The following TMEM131L variants were observed in gnomAD, a reference collection of about 807,000 sequenced individuals.
TMEM131L encodes the protein transmembrane 131 like.
In TMEM131L, 54 loss-of-function variants were observed where a neutral mutation model predicts 192.2. That is an observed-to-expected ratio of 0.28 (90% CI 0.23 to 0.35). The LOEUF (loss-of-function observed/expected upper bound fraction) is 0.35, where lower values mean the gene tolerates loss of function less well. TMEM131L is among the 10% of genes least tolerant of loss of function. The probability of loss-of-function intolerance (pLI) is 1.00; values close to 1 mark genes in which losing one functional copy is unlikely to be tolerated. For synonymous variants in TMEM131L, 701 were observed against 704.9 expected (o/e 0.99, Z 0.09); for missense variants, 1,888 against 1,972.9 (o/e 0.96, Z 0.82).
chr4:153,618,714 T>C (rs997590254), intron 26 of TMEM131L, among the ~76,000 whole-genome samples: 1 of 152,142 alleles, frequency 6.6e-6, no homozygotes, highest in Non-Finnish European at 1.5e-5. Context: ...GATATACTCC[T>C]AATTGCAGCT....
intron 7 of TMEM131L, among the ~76,000 whole-genome samples, chr4:153,578,689 T>C (rs999553539): frequency 6.6e-6 from 1 of 151,944 alleles, no homozygotes; most frequent in African/African-American, 2.4e-5. Flanking sequence ...CCCAGCTAAT[T>C]TTTTGTATTT....
At chr4:153,579,665 G>T (rs1012821669) in intron 7 of TMEM131L, among the ~76,000 whole-genome samples, 2 of 152,074 alleles carry the variant, frequency 1.3e-5, no homozygotes, top group African/African-American at 4.8e-5. Context: ...AGTAGAGACG[G>T]GGTTTTGCCA....
intron 3 of TMEM131L, among the ~76,000 whole-genome samples, chr4:153,491,856 G>A (rs1732808621): frequency 6.6e-6 from 1 of 152,072 alleles, no homozygotes; most frequent in Admixed American, 6.5e-5. Context: ...ACAGGCACTT[G>A]CCACCGTGTC....
chr4:153,615,283 A>G (rs1732898623), intron 26 of TMEM131L, among the ~76,000 whole-genome samples: 1 of 152,240 alleles, frequency 6.6e-6, no homozygotes. Context: ...AGTGATAGGT[A>G]TAATAATGAT....
intron 3 of TMEM131L, among the ~76,000 whole-genome samples, chr4:153,542,440 G>T (rs1736857918): frequency 6.6e-6 from 1 of 152,192 alleles, no homozygotes; most frequent in South Asian, 2.1e-4. Context: ...TCAGGTGGAG[G>T]CAGTGTAGTG....
At chr4:153,521,835 A>G (rs1735135956) in intron 3 of TMEM131L, among the ~76,000 whole-genome samples, 1 of 146,008 alleles carries the variant, frequency 6.8e-6, no homozygotes, top group African/African-American at 2.5e-5. Flanking sequence ...TTCAAGATTT[A>G]TCCATGTTGT....
At chr4:153,594,350 C>G (rs1731281219) in intron 19 of TMEM131L, among the ~76,000 whole-genome samples, 1 of 152,174 alleles carries the variant, frequency 6.6e-6, no homozygotes, top group Non-Finnish European at 1.5e-5. Flanking sequence ...AGCCTGTGGG[C>G]AGTCATGAGG....
At chr4:153,551,473 T>C (rs982592815) in intron 4 of TMEM131L, among the ~76,000 whole-genome samples, 4 of 152,096 alleles carry the variant, frequency 2.6e-5, no homozygotes, top group Admixed American at 2.6e-4. Context: ...TTCTCCTGCC[T>C]CAGCCTCCTG....
intron 3 of TMEM131L, among the ~76,000 whole-genome samples, chr4:153,487,717 TGTGAGA>T (rs980906447): frequency 3.4e-5 from 5 of 145,384 alleles, no homozygotes; most frequent in African/African-American, 1.3e-4. Flanking sequence ...TGTGTGTGTG[TGTGAGA>T]GAGAGAGAGA....
intron 3 of TMEM131L, among the ~76,000 whole-genome samples, chr4:153,536,013 T>C (rs770670932): frequency 2.0e-5 from 3 of 152,204 alleles, no homozygotes; most frequent in Non-Finnish European, 2.9e-5. Context: ...GAGAGAAGGA[T>C]TGAATGGACA....
At chr4:153,497,953 T>C (rs1468393680) in intron 3 of TMEM131L, among the ~76,000 whole-genome samples, 1 of 151,600 alleles carries the variant, frequency 6.6e-6, no homozygotes, top group Non-Finnish European at 1.5e-5. Context: ...TCCTAGCTTC[T>C]ACAGACATCC....
chr4:153,503,804 C>A (rs1369010632), intron 3 of TMEM131L, among the ~76,000 whole-genome samples: 2 of 152,114 alleles, frequency 1.3e-5, no homozygotes, highest in Non-Finnish European at 2.9e-5. Context: ...GATGAAGGGT[C>A]ATGAAAATGT....
intron 29 of TMEM131L, among the ~76,000 whole-genome samples, chr4:153,625,571 T>C (rs982411711): frequency 6.6e-6 from 1 of 152,032 alleles, no homozygotes; most frequent in Non-Finnish European, 1.5e-5. Context: ...CCCAGTGTAA[T>C]AAATGGTGTA....
intron 3 of TMEM131L, among the ~76,000 whole-genome samples, chr4:153,533,143 C>T (rs1351646344): frequency 3.3e-5 from 5 of 152,082 alleles, no homozygotes; most frequent in African/African-American, 4.8e-5. Flanking sequence ...TGCACTACCA[C>T]ACCCGGCTAA....
chr4:153,551,407 G>A (rs1050504533), intron 4 of TMEM131L, among the ~76,000 whole-genome samples: 2 of 151,810 alleles, frequency 1.3e-5, no homozygotes, highest in Non-Finnish European at 2.9e-5. Context: ...ACTTAGGCTG[G>A]AGTGCAGGGG....
At chr4:153,553,968 C>T (rs150274387) in intron 4 of TMEM131L, among the ~76,000 whole-genome samples, 2 of 152,292 alleles carry the variant, frequency 1.3e-5, no homozygotes, top group East Asian at 1.9e-4. Flanking sequence ...TCTGTTAGGT[C>T]TGGAGAGATT....
intron 3 of TMEM131L, among the ~76,000 whole-genome samples, chr4:153,519,254 T>C (rs1292470162): frequency 6.6e-6 from 1 of 152,176 alleles, no homozygotes. Context: ...GTTGTTCTGA[T>C]GTCATGTGTA....
chr4:153,550,379 T>C (rs547408243), intron 4 of TMEM131L, among the ~76,000 whole-genome samples: 1 of 152,260 alleles, frequency 6.6e-6, no homozygotes, highest in East Asian at 1.9e-4. Context: ...CAGGCTGGAG[T>C]GCAGTGGCGT....
chr4:153,621,794 T>C lies in TMEM131L; in HGVS notation c.3804T>C (p.Val1268=). 6.2e-7 allele frequency: 1 copy of C among 1,614,054 alleles called. No homozygotes were observed. The highest frequency in any genetic ancestry group is 8.5e-7 in the Non-Finnish European group (1 of 1,179,954). Residue 1268 remains valine (V), a synonymous_variant, in exon 28 of 35, where the codon GTT becomes GTC. Transcript: ENST00000409959. ...GTATACAGGAAAGCACTAGGGAGGT[T>C]TGTAAAGCAGATGCCGAAATTGCAA... ...SWCIQESTRE[V]CKADAEIASS...
Sources: gnomAD v4.1 joint callset for allele counts (sites outside exome capture counted in the v4.1 genomes callset) on GRCh38, gnomAD v4.1.1 for gene constraint, MANE v1.5 for transcripts, NCBI Gene and HGNC (gene_info 2026-07-23, HGNC 2026-07-21) for gene names.